Variants in UNC13C observed in about 807,000 individuals in gnomAD.
UNC13C encodes the protein unc-13 homolog C, also known as protein unc-13 homolog C.
Under a neutral mutation model 245.4 loss-of-function variants are expected in UNC13C, and 174 were observed. That is an observed-to-expected ratio of 0.71 (90% CI 0.63 to 0.80). The LOEUF is 0.80. Among genes scored for constraint, UNC13C ranks in the 30% least tolerant of loss-of-function variants. The probability of loss-of-function intolerance (pLI) is 0.00; values close to 1 mark genes in which losing one functional copy is unlikely to be tolerated. For missense variants in UNC13C, 2,829 were observed against 2,602.9 expected, an observed-to-expected ratio of 1.09 and a Z score of -1.89; for synonymous variants, 992 against 895.1, an observed-to-expected ratio of 1.11 and a Z score of -1.93.
intron 4 of UNC13C, among the ~76,000 whole-genome samples, chr15:54,155,399 G>C (rs181803391): frequency 5.3e-5 from 8 of 152,214 alleles, no homozygotes; most frequent in East Asian, 1.9e-4. Flanking sequence ...GTGAAAACAC[G>C]TCATAAGTCC....
At chr15:54,116,386 C>G (rs936807108) in intron 2 of UNC13C, among the ~76,000 whole-genome samples, 2 of 152,090 alleles carry the variant, frequency 1.3e-5, no homozygotes, top group Non-Finnish European at 2.9e-5. Context: ...GTCTATCTAA[C>G]TCTATATTTG....
chr15:54,210,388 G>C (rs146353594), intron 4 of UNC13C, among the ~76,000 whole-genome samples: 2 of 151,558 alleles, frequency 1.3e-5, no homozygotes, highest in Non-Finnish European at 2.9e-5. Context: ...TCATAAATGA[G>C]GATTGTGTGG....
intron 2 of UNC13C, among the ~76,000 whole-genome samples, chr15:54,127,869 A>T (rs1246968606): frequency 6.6e-6 from 1 of 150,826 alleles, no homozygotes; most frequent in Non-Finnish European, 1.5e-5. Context: ...ACAAGACAAG[A>T]ATACTCACTC....
intron 26 of UNC13C, among the ~76,000 whole-genome samples, chr15:54,545,490 C>T (rs1264163540): frequency 6.6e-6 from 1 of 152,086 alleles, no homozygotes; most frequent in East Asian, 1.9e-4. Context: ...GCAAAAGAAA[C>T]CATCATCAGA....
chr15:54,446,483 C>G lies in UNC13C; in HGVS notation c.4933+31416C>G, dbSNP rs1208404816. Among the ~76,000 whole-genome samples the G allele has an allele frequency of 4.6e-5, 7 of 152,232 alleles. No individual in the cohort carries two copies. The East Asian group carries it at 5.8e-4, about 13-fold the overall frequency. On this transcript the variant is annotated intron_variant, in intron 19 of 32. Transcript: ENST00000260323. ...CTTTTATTTCGTTGAACATTGGTTTCTAGTTCTCCTTGAAGAGGTCCTTCA... is the reference window on the plus strand; with the variant it reads ...CTTTTATTTCGTTGAACATTGGTTTGTAGTTCTCCTTGAAGAGGTCCTTCA...
At chr15:54,474,022 T>G (rs2414316) in intron 19 of UNC13C, among the ~76,000 whole-genome samples, 62,194 of 151,396 alleles carry the variant, frequency 0.41, 12,991 homozygotes, top group East Asian at 0.62. Flanking sequence ...ATTATTTTTA[T>G]GGCCAAATAA....
At chr15:54,395,597 G>A (rs1241366076) in intron 18 of UNC13C, among the ~76,000 whole-genome samples, 1 of 151,838 alleles carries the variant, frequency 6.6e-6, no homozygotes, top group Non-Finnish European at 1.5e-5. Context: ...TTTTGTTTTA[G>A]AGGCAAAGGC....
the UNC13C span, among the ~76,000 whole-genome samples, chr15:53,905,132 C>T: frequency 3.4e-4 from 52 of 152,024 alleles, no homozygotes; most frequent in East Asian, 1.2e-3. Context: ...GTAACTATCA[C>T]GGAAAACAGT....
chr15:53,944,920 G>A, the UNC13C span, among the ~76,000 whole-genome samples: 1 of 152,118 alleles, frequency 6.6e-6, no homozygotes, highest in African/African-American at 2.4e-5. Flanking sequence ...AACTTTACCA[G>A]CATCTGTTAT....
the UNC13C span, among the ~76,000 whole-genome samples, chr15:53,843,366 G>C: frequency 6.6e-6 from 1 of 152,120 alleles, no homozygotes; most frequent in African/African-American, 2.4e-5. Flanking sequence ...AGGATTGCTT[G>C]TGGGAGGACT....
chr15:54,581,703 A>C (rs147725900), intron 30 of UNC13C, among the ~76,000 whole-genome samples: 2 of 152,246 alleles, frequency 1.3e-5, no homozygotes, highest in African/African-American at 4.8e-5. Context: ...CCAACATTCT[A>C]TCTATAGCAC....
At chr15:54,056,664 T>C (rs1897541858) in intron 2 of UNC13C, among the ~76,000 whole-genome samples, 1 of 152,102 alleles carries the variant, frequency 6.6e-6, no homozygotes, top group Middle Eastern at 3.2e-3. Flanking sequence ...ATTGTCAGAT[T>C]CACCAAAGTT....
intron 19 of UNC13C, chr15:54,417,010 T>C (rs1242946204): frequency 6.6e-6 from 3 of 456,268 alleles, no homozygotes; most frequent in Non-Finnish European, 1.3e-5. Context: ...AGAGAAGATT[T>C]CCCTCACCGC....
intron 2 of UNC13C, among the ~76,000 whole-genome samples, chr15:54,042,874 A>C (rs937295241): frequency 1.2e-4 from 16 of 129,684 alleles, no homozygotes; most frequent in Admixed American, 7.2e-4. Context: ...AGAAAAAGAA[A>C]AAGAAACCAC....
At chr15:54,228,017 C>T (rs960133493) in intron 4 of UNC13C, among the ~76,000 whole-genome samples, 1 of 152,196 alleles carries the variant, frequency 6.6e-6, no homozygotes, top group African/African-American at 2.4e-5. Context: ...CTTTAGGAAT[C>T]TACCTGGTGC....
At chr15:54,024,154 C>G (rs570333589) in intron 2 of UNC13C, among the ~76,000 whole-genome samples, 1 of 152,086 alleles carries the variant, frequency 6.6e-6, no homozygotes, top group East Asian at 1.9e-4. Context: ...GAGAGGAGAC[C>G]GACTCCAGTG....
intron 2 of UNC13C, among the ~76,000 whole-genome samples, chr15:54,046,412 T>C (rs1032272147): frequency 1.3e-5 from 2 of 152,156 alleles, no homozygotes; most frequent in Admixed American, 1.3e-4. Flanking sequence ...TTGTCAAACT[T>C]CTATATTTTT....
intron 2 of UNC13C, among the ~76,000 whole-genome samples, chr15:54,131,850 T>G (rs1051098773): frequency 6.6e-6 from 1 of 152,138 alleles, no homozygotes; most frequent in African/African-American, 2.4e-5. Context: ...CACTCTATGC[T>G]CTTTCAAGCT....
At chr15:53,839,530 C>T in the UNC13C span, among the ~76,000 whole-genome samples, 1 of 151,980 alleles carries the variant, frequency 6.6e-6, no homozygotes, top group African/African-American at 2.4e-5. Context: ...TACTAATTTT[C>T]ATCATTTTCT....
Sources: gnomAD v4.1 joint callset for allele counts (sites outside exome capture counted in the v4.1 genomes callset) on GRCh38, gnomAD v4.1.1 for gene constraint, MANE v1.5 for transcripts, NCBI Gene and HGNC (gene_info 2026-07-23, HGNC 2026-07-21) for gene names.